COPA: variants seen among roughly 807,000 people sequenced by gnomAD.
The protein encoded by COPA is coatomer subunit alpha.
In COPA, 10 loss-of-function variants were observed where a neutral mutation model predicts 158.7. That is an observed-to-expected ratio of 0.06 (90% confidence interval 0.04 to 0.11). COPA has a LOEUF of 0.11. Ranked by LOEUF, COPA falls within the 10% of genes least tolerant of loss-of-function variation. The pLI, the probability that COPA is intolerant of heterozygous loss-of-function variation, is 1.00. For synonymous variants in COPA, 462 were observed against 542.8 expected (o/e 0.85, Z 2.07); for missense variants, 1,065 against 1,536.7 (o/e 0.69, Z 5.13).
intron 5 of COPA, 66 bp from the exon 6 acceptor site, chr1:160,332,623 C>T: frequency 9.1e-7 from 1 of 1,095,874 alleles, no homozygotes; most frequent in South Asian, 1.5e-5. Flanking sequence ...AAACTAAATA[C>T]CTTTCTCCAT....
intron 17 of COPA, among the ~76,000 whole-genome samples, chr1:160,302,131 A>C (rs1658627418): frequency 6.6e-6 from 1 of 152,166 alleles, no homozygotes; most frequent in South Asian, 2.1e-4. Flanking sequence ...ATTATTTGTA[A>C]AGGAAATAGA....
At chr1:160,307,268 G>T (rs749113398) in intron 13 of COPA, 23 bp from the exon 14 acceptor site, 1 of 1,610,380 alleles carries the variant, frequency 6.2e-7, no homozygotes, top group Non-Finnish European at 8.5e-7. Context: ...AAACCAAAGG[G>T]TGGGAGCATG....
Position 160,340,201 on chromosome 1 carries a change from T to A in COPA, c.134A>T (p.Asp45Val). 6.2e-7 allele frequency: 1 copy of A among 1,612,154 alleles called. No homozygotes were observed. The highest frequency in any genetic ancestry group is 8.5e-7 in the Non-Finnish European group (1 of 1,178,488). The change falls in exon 2 of 33, where the codon GAC (aspartate) becomes GTC (valine). Residue 45 changes from aspartate (D) to valine (V), a missense_variant. Coordinates refer to ENST00000241704, the MANE Select transcript of COPA (RefSeq NM_004371.4). ...CTCACCATCATGTTCATCAAACTTG[T>A]CAATGAGAGTGCACATCCGATAGTC... ...LWDYRMCTLI[D>V]KFDEHDGPVR...
chr1:160,313,534 C>T (rs1423722439), intron 9 of COPA, among the ~76,000 whole-genome samples: 1 of 152,134 alleles, frequency 6.6e-6, no homozygotes, highest in Non-Finnish European at 1.5e-5. Flanking sequence ...TCTGCCTCAG[C>T]CTCCTGAGTA....
chr1:160,331,905 A>G (rs1256508587), intron 6 of COPA, among the ~76,000 whole-genome samples: 3 of 151,320 alleles, frequency 2.0e-5, no homozygotes. Flanking sequence ...AGATCATCAC[A>G]CCACTGCGCT....
At position 160,295,777 on chromosome 1, in the gene COPA, G is replaced by A. The variant is rs1418807624; in HGVS notation, c.2435C>T (p.Thr812Ile). 1.9e-6 allele frequency: 3 copies of A among 1,612,644 alleles called. No homozygotes were observed. Residue 812 changes from threonine (T) to isoleucine (I), a missense_variant, in exon 23 of 33, where the codon ACT (threonine) becomes ATT (isoleucine). Coordinates refer to ENST00000241704, the MANE Select transcript of COPA (RefSeq NM_004371.4). ...GCCTTCAAAAAATCCTTTGGATACA[G>A]TCAATAAAGGCCAATTGGTATCCAA... is the stretch of plus-strand genomic sequence containing the variant. The part of the protein sequence containing the change: ...MPLDTNWPLL[T>I]VSKGFFEGTI...
intron 8 of COPA, among the ~76,000 whole-genome samples, chr1:160,318,413 A>G (rs998548998): frequency 7.8e-5 from 10 of 128,488 alleles, no homozygotes; most frequent in Non-Finnish European, 1.6e-4. Flanking sequence ...GGCCTGGGAT[A>G]TGGGTTTTAA....
At chr1:160,317,082 T>C (rs1199300029) in intron 8 of COPA, among the ~76,000 whole-genome samples, 2 of 150,644 alleles carry the variant, frequency 1.3e-5, no homozygotes, top group Non-Finnish European at 3.0e-5. Flanking sequence ...AGGAATGACA[T>C]TTTCCAAGTG....
At chr1:160,310,965 AC>A (rs1658947761) in intron 11 of COPA, among the ~76,000 whole-genome samples, 1 of 152,128 alleles carries the variant, frequency 6.6e-6, no homozygotes, top group Non-Finnish European at 1.5e-5. Context: ...CTTGCAAGAG[AC>A]CCAGCAAATT....
intron 28 of COPA, 94 bp from the exon 29 acceptor site, chr1:160,292,292 T>C: frequency 6.4e-7 from 1 of 1,553,372 alleles, no homozygotes; most frequent in South Asian, 1.2e-5. Flanking sequence ...GCTACCCTCC[T>C]GTCTCCTGTT....
Position 160,292,078 on chromosome 1 carries a change from T to C in COPA, c.3081A>G (p.Glu1027=). The C allele has an allele frequency of 6.2e-7, 1 of 1,614,202 alleles. No individual in the cohort carries two copies. Among genetic ancestry groups the C allele is most frequent in the Non-Finnish European group, 8.5e-7 (1 of 1,180,036 alleles). The change falls in exon 29 of 33, where the codon GAA becomes GAG. Residue 1027 remains glutamate, a synonymous_variant. Transcript: ENST00000241704. ...CACTGAGAAGGATGGAACGGAATTT[T>C]TCCACAGCCTCCTCAAATTTGCCAA... ...TTVGKFEEAV[E]KFRSILLSVP...
intron 3 of COPA, among the ~76,000 whole-genome samples, chr1:160,338,605 T>G (rs1345204495): frequency 5.3e-5 from 8 of 152,206 alleles, no homozygotes; most frequent in African/African-American, 1.9e-4. Flanking sequence ...CAGTTGTCTT[T>G]AAAGAATTGC....
At chr1:160,334,501 A>G (rs1246360750) in intron 4 of COPA, among the ~76,000 whole-genome samples, 1 of 152,204 alleles carries the variant, frequency 6.6e-6, no homozygotes, top group Non-Finnish European at 1.5e-5. Flanking sequence ...CAAATGTTTA[A>G]GCTGTAATTT....
chr1:160,320,243 G>A (rs754254712), intron 8 of COPA, among the ~76,000 whole-genome samples: 7 of 151,990 alleles, frequency 4.6e-5, no homozygotes, highest in Non-Finnish European at 4.4e-5. Context: ...AAACTATTAC[G>A]AGAATGACAT....
intron 17 of COPA, among the ~76,000 whole-genome samples, chr1:160,302,549 C>A (rs1314997236): frequency 1.1e-5 from 1 of 91,686 alleles, no homozygotes; most frequent in African/African-American, 4.3e-5. Flanking sequence ...TCACAAGTTA[C>A]TTTTTTTTTT....
chr1:160,319,612 G>A (rs1205100772), intron 8 of COPA, among the ~76,000 whole-genome samples: 1 of 150,840 alleles, frequency 6.6e-6, no homozygotes, highest in Non-Finnish European at 1.5e-5. Context: ...ACACTCTCCA[G>A]AATAAACTAT....
chr1:160,291,194 T>C, intron 31 of COPA, 141 bp downstream of exon 31: 1 of 946,240 alleles, frequency 1.1e-6, no homozygotes, highest in Non-Finnish European at 1.6e-6. Flanking sequence ...AGTCAGGAAG[T>C]AAACAGAGGG....
At chr1:160,299,067 C>T in intron 18 of COPA, 35 bp downstream of exon 18, 1 of 1,609,848 alleles carries the variant, frequency 6.2e-7, no homozygotes, top group Non-Finnish European at 8.5e-7. Flanking sequence ...AGTGCTGCCT[C>T]TCTTAATACT....
At position 160,305,700 on chromosome 1, in the gene COPA, G is replaced by T; in HGVS notation, c.1516C>A (p.Leu506Ile). 1 of 1,614,172 alleles carries T rather than the reference G, an allele frequency of 6.2e-7. No homozygotes were observed. The highest frequency in any genetic ancestry group is 8.5e-7 in the Non-Finnish European group (1 of 1,180,006). Residue 506 changes from leucine to isoleucine, a missense_variant, in exon 16 of 33, where the codon CTA becomes ATA. This residue lies in a region of COPA where 980 missense variants were observed against 1,357.8 expected (regional missense o/e 0.72). Coordinates refer to ENST00000241704, the MANE Select transcript of COPA (RefSeq NM_004371.4). ...WSADMSHVAL[L>I]AKHAIVICNR... Reference sequence around the variant, plus strand: ...AATGAAGACTCACCGTGTTTGGCTAGTAGTGCTACATGTGACATGTCTGCT... The same window carrying T: ...AATGAAGACTCACCGTGTTTGGCTATTAGTGCTACATGTGACATGTCTGCT...
Sources: allele counts gnomAD v4.1 joint callset (sites outside exome capture counted in the v4.1 genomes callset), GRCh38; gene constraint gnomAD v4.1.1; regional missense constraint gnomAD v4.1.1; transcripts MANE v1.5; gene names NCBI Gene and HGNC (gene_info 2026-07-23, HGNC 2026-07-21).